Variants in GCLC observed in about 807,000 individuals in gnomAD.
GCLC encodes the protein glutamate-cysteine ligase catalytic subunit.
In GCLC, 30 loss-of-function variants were observed where a neutral mutation model predicts 81.5. That is an observed-to-expected ratio of 0.37 (90% CI 0.28 to 0.50). GCLC has a LOEUF of 0.50. Ranked by LOEUF, GCLC falls within the 20% of genes least tolerant of loss-of-function variation. The pLI, the probability that GCLC is intolerant of heterozygous loss-of-function variation, is 0.96. For missense variants in GCLC, 556 were observed against 777.4 expected, an observed-to-expected ratio of 0.72 and a Z score of 3.39; for synonymous variants, 262 against 273.3, an observed-to-expected ratio of 0.96 and a Z score of 0.41.
chr6:53,530,960 G>A (rs777320566), intron 1 of GCLC, among the ~76,000 whole-genome samples: 1 of 152,162 alleles, frequency 6.6e-6, no homozygotes. Flanking sequence ...GGCGGTAATA[G>A]GTGGGGGAGC....
In GCLC at chr6:53,544,726, C is replaced by CTTCTG; in HGVS notation, c.-82_-81insCAGAA. The CTTCTG allele has an allele frequency of 2.9e-6, 4 of 1,380,930 alleles. No individual in the cohort carries two copies. Among genetic ancestry groups the CTTCTG allele is most frequent in the Non-Finnish European group, 3.9e-6 (4 of 1,032,012 alleles). 85.5% of individuals were successfully genotyped at this position (1,380,930 alleles called of 1,614,324 possible). ...GGGCGCGAGACGGACACTCAGCCGC[C>CTTCTG]CGCAGAAGGCGGCTGCCGCTCCACC... On this transcript the variant is annotated 5_prime_UTR_variant, in exon 1 of 16. Transcript: ENST00000650454.
rs866803094 is a variant in GCLC, at chr6:53,514,447, T to C, written c.611A>G (p.Asn204Ser). Residue 204 changes from asparagine (N) to serine (S), a missense_variant, in exon 5 of 16, where the codon AAT (asparagine) becomes AGT (serine). By Grantham distance (46) the Asn-to-Ser change is conservative. Coordinates refer to ENST00000650454, the MANE Select transcript of GCLC (RefSeq NM_001498.4). Reference protein sequence around the residue: ...RHRRGEKVVINVPIFKDKNTP... With the variant: ...RHRRGEKVVISVPIFKDKNTP... ...CCTCTCAGTAGACTTACTTGGTACA[T>C]TGATGACAACCTTTTCTCCTCTCCT... is the stretch of plus-strand genomic sequence containing the variant. 1.1e-5 allele frequency: 17 copies of C among 1,612,586 alleles called. 1 individual carries two copies. Among genetic ancestry groups the C allele is most frequent in the African/African-American group, 4.0e-5 (3 of 75,038 alleles).
In GCLC at chr6:53,507,574, G is replaced by C; in HGVS notation, c.990C>G (p.Asp330Glu). The C allele has an allele frequency of 6.3e-7, 1 of 1,576,900 alleles. No individual in the cohort carries two copies. The highest frequency in any genetic ancestry group is 8.7e-7 in the Non-Finnish European group (1 of 1,146,518). Residue 330 changes from aspartate (D) to glutamate (E), a missense_variant, in exon 9 of 16, where the codon GAC (aspartate) becomes GAG (glutamate). Asp to Glu is a conservative substitution (Grantham distance 45). Around this residue, in one of 3 missense-constraint regions of GCLC, gnomAD observed 313 missense variants for 437.3 expected, o/e 0.72. Transcript: ENST00000650454. Reference sequence around the variant, plus strand: ...ACTTAGATAAATAGCTGTCTATTGAGTCATATCGGGATTTACTGATCCTAT... The same window carrying C: ...ACTTAGATAAATAGCTGTCTATTGACTCATATCGGGATTTACTGATCCTAT... ...NNYRISKSRY[D>E]SIDSYLSKCG...
In GCLC at chr6:53,508,701, C is replaced by T; in HGVS notation, c.839G>A (p.Ser280Asn). 6.2e-7 allele frequency: 1 copy of T among 1,610,932 alleles called. No homozygotes were observed. The highest frequency in any genetic ancestry group is 8.5e-7 in the Non-Finnish European group (1 of 1,177,122). The stretch of plus-strand genomic sequence containing the variant: ...GCCTCGGTAAAAGGGAGATGCAGCA[C>T]TCAAAGCCATCTAAAAACAAACAAA... ...ATICPIVMAL[S>N]AASPFYRGYV... The change falls in exon 8 of 16, where the codon AGT becomes AAT. Residue 280 changes from serine to asparagine, a missense_variant. By Grantham distance (46) the Ser-to-Asn change is conservative. This residue lies in a region of GCLC where 313 missense variants were observed against 437.3 expected (regional missense o/e 0.72). Transcript: ENST00000650454.
chr6:53,539,624 C>T (rs16883978), intron 1 of GCLC, among the ~76,000 whole-genome samples: 2,758 of 152,038 alleles, frequency 0.018, 86 homozygotes, highest in African/African-American at 0.062. Flanking sequence ...TTTTTTTAAT[C>T]CAAGTCCATG....
intron 4 of GCLC, 97 bp from the exon 5 acceptor site, chr6:53,514,594 C>T: frequency 2.3e-6 from 2 of 885,054 alleles, no homozygotes; most frequent in South Asian, 1.3e-5. Context: ...TGAAATCATA[C>T]CTCAAATTAG....
At position 53,500,342 on chromosome 6, in the gene GCLC, C is replaced by A. The variant is rs147154581; in HGVS notation, c.1486G>T (p.Ala496Ser). ...FRKDICKGGN[A>S]VVDGCGKAQN... is the part of the protein sequence containing the mutation. ...GCCTTGCCACAACCATCCACCACTGCATTGCCACCTGCCGGAGAAGAGGGT... is the reference window on the plus strand; with the variant it reads ...GCCTTGCCACAACCATCCACCACTGAATTGCCACCTGCCGGAGAAGAGGGT... The change falls in exon 14 of 16, where the codon GCA becomes TCA. Residue 496 changes from alanine (A) to serine (S), a missense_variant. Coordinates refer to ENST00000650454, the MANE Select transcript of GCLC (RefSeq NM_001498.4). The A allele has an allele frequency of 4.4e-4, 710 of 1,614,162 alleles. 7 individuals carry two copies. In the East Asian group the frequency reaches 0.015, roughly 35 times the overall value.
intron 15 of GCLC, among the ~76,000 whole-genome samples, 196 bp downstream of exon 15, chr6:53,499,849 C>T (rs1469839272): frequency 6.6e-6 from 1 of 151,920 alleles, no homozygotes; most frequent in Non-Finnish European, 1.5e-5. Flanking sequence ...ATTTTATGAA[C>T]TGATAAGAAA....
intron 1 of GCLC, among the ~76,000 whole-genome samples, chr6:53,541,426 A>T (rs1453335213): frequency 6.6e-5 from 10 of 152,312 alleles, no homozygotes; most frequent in South Asian, 6.2e-4. Context: ...GTGTCGGGCA[A>T]CTGTCAACAC....
chr6:53,500,532 C>T lies in GCLC; in HGVS notation c.1396-19G>A. On this transcript the variant is annotated intron_variant, in intron 12 of 15. Transcript: ENST00000650454. ...CATCAACCTAAGGGAAAAAAAGAATCACGACTAAGTCAAAATATTCTTGAT... is the reference window on the plus strand; with the variant it reads ...CATCAACCTAAGGGAAAAAAAGAATTACGACTAAGTCAAAATATTCTTGAT... 1 of 1,536,588 alleles carries T rather than the reference C, an allele frequency of 6.5e-7. No homozygotes were observed. The highest frequency in any genetic ancestry group is 9.0e-7 in the Non-Finnish European group (1 of 1,111,154).
chr6:53,527,346 C>A (rs529268206), intron 1 of GCLC, among the ~76,000 whole-genome samples: 1 of 152,214 alleles, frequency 6.6e-6, no homozygotes, highest in Admixed American at 6.5e-5. Context: ...TTTGCTAGAA[C>A]CAACTGTTGC....
In GCLC at chr6:53,500,455, T is replaced by C; in HGVS notation, c.1454A>G (p.Tyr485Cys). 6.2e-7 allele frequency: 1 copy of C among 1,611,886 alleles called. No homozygotes were observed. Among genetic ancestry groups the C allele is most frequent in the Non-Finnish European group, 8.5e-7 (1 of 1,178,006 alleles). Residue 485 changes from tyrosine to cysteine, a missense_variant, in exon 13 of 16, where the codon TAT becomes TGT. Around this residue, in one of 3 missense-constraint regions of GCLC, gnomAD observed 313 missense variants for 437.3 expected, o/e 0.72. Transcript: ENST00000650454. ...ACCTTTGCAAATATCTTTCCTGAAA[T>C]AAAACATTCCCTGCAAGACAGCATC... Reference protein sequence around the residue: ...KRDAVLQGMFYFRKDICKGGN... With the variant: ...KRDAVLQGMFCFRKDICKGGN...
At chr6:53,508,388 T>C (rs1203475313) in intron 8 of GCLC, among the ~76,000 whole-genome samples, 1 of 152,136 alleles carries the variant, frequency 6.6e-6, no homozygotes, top group Non-Finnish European at 1.5e-5. Flanking sequence ...TTCCAAAATA[T>C]AGAAAAATCG....
chr6:53,533,053 T>G (rs1039468903), intron 1 of GCLC, among the ~76,000 whole-genome samples: 1 of 152,212 alleles, frequency 6.6e-6, no homozygotes, highest in Non-Finnish European at 1.5e-5. Context: ...GCTATAAGTC[T>G]GAGGCTCATT....
At chr6:53,544,400 C>G (rs1485494954) in intron 1 of GCLC, 96 bp downstream of exon 1, 5 of 1,354,346 alleles carry the variant, frequency 3.7e-6, no homozygotes, top group Non-Finnish European at 5.1e-6. Context: ...GTGGAGAACG[C>G]GGACCGCGAT....
chr6:53,531,789 T>G (rs1763175547), intron 1 of GCLC, among the ~76,000 whole-genome samples: 1 of 152,210 alleles, frequency 6.6e-6, no homozygotes, highest in Admixed American at 6.5e-5. Context: ...CCCACCCTGG[T>G]GCCTCCTAAA....
Position 53,500,115 on chromosome 6 carries a change from G to A in GCLC, c.1632C>T (p.Asn544=), listed in dbSNP as rs913611013. 1.2e-5 allele frequency: 19 copies of A among 1,612,176 alleles called. No homozygotes were observed. Among genetic ancestry groups the A allele is most frequent in the East Asian group, 2.2e-5 (1 of 44,882 alleles). The part of the protein sequence containing the change: ...LIPILNSYLE[N]MEVDVDTRCS... ...ATCTGGTGTCCACATCCACTTCCAT[G>A]TTTTCAAGGTAAGAGTTCAGAATTG... Residue 544 remains asparagine (N), a synonymous_variant, in exon 15 of 16, where the codon AAC becomes AAT. Transcript: ENST00000650454.
chr6:53,515,489 T>C, intron 4 of GCLC, among the ~76,000 whole-genome samples: 1 of 152,256 alleles, frequency 6.6e-6, no homozygotes, highest in East Asian at 1.9e-4. Flanking sequence ...CGTGAGGGCC[T>C]GTTAAAGGAA....
intron 6 of GCLC, chr6:53,513,859 AC>A (rs17882998): frequency 0.068 from 18,111 of 266,928 alleles, 755 homozygotes; most frequent in Non-Finnish European, 0.093. Context: ...TATTTAAACC[AC>A]CTCACTAGCC....
Sources: gnomAD v4.1 joint callset for allele counts (sites outside exome capture counted in the v4.1 genomes callset) on GRCh38, gnomAD v4.1.1 for gene constraint, gnomAD v4.1.1 regional missense constraint, MANE v1.5 for transcripts, NCBI Gene and HGNC (gene_info 2026-07-23, HGNC 2026-07-21) for gene names.